The following MST1R variants were observed in gnomAD, a reference collection of about 807,000 sequenced individuals.
The protein encoded by MST1R is macrophage stimulating 1 receptor.
A neutral mutation model predicts 117.8 loss-of-function variants in MST1R; 99 were observed. That is an observed-to-expected ratio of 0.84 (90% CI 0.71 to 0.99). MST1R has a LOEUF of 0.99. MST1R is among the 50% of genes least tolerant of loss of function. The pLI is 0.00. For missense variants in MST1R, 1,683 were observed against 1,840.2 expected, an observed-to-expected ratio of 0.91 and a Z score of 1.56; for synonymous variants, 734 against 765.3, an observed-to-expected ratio of 0.96 and a Z score of 0.68.
intron 1 of MST1R, 71 bp downstream of exon 1, chr3:49,902,309 T>C (rs2082705728): frequency 2.6e-6 from 4 of 1,533,420 alleles, no homozygotes; most frequent in Admixed American, 1.9e-5. Context: ...CCCTCAGTGA[T>C]GGAAGGGAAG....
At position 49,903,753 on chromosome 3, in the gene MST1R, C is replaced by T. The variant is rs959964582; in HGVS notation, c.-144G>A. The T allele has an allele frequency of 9.3e-6, 11 of 1,184,850 alleles. No individual in the cohort carries two copies. Among genetic ancestry groups the T allele is most frequent in the Non-Finnish European group, 1.3e-5 (11 of 873,248 alleles). The allele number at this position is 1,184,850 out of a possible 1,614,324, so 73.4% of individuals were successfully genotyped here. ...AGCCCCAAGATAGCGGACCCCCGCC[C>T]CAGGTTCCTGTGAAACCCAAATCCC... is the stretch of plus-strand genomic sequence containing the variant. On this transcript the variant is annotated 5_prime_UTR_variant, in exon 1 of 20. Coordinates refer to ENST00000296474, the MANE Select transcript of MST1R (RefSeq NM_002447.4).
Position 49,887,400 on chromosome 3 carries a change from C to G in MST1R, c.4110G>C (p.Glu1370Asp), listed in dbSNP as rs878967877. ...GCGGCTGTTCTGGACGCACATTCAT[C>G]TCATGCGAGGTGCTGGGGCCCAAGT... ...YMNLGPSTSH[E>D]MNVRPEQPQF... Residue 1370 changes from glutamate to aspartate, a missense_variant, in exon 20 of 20, where the codon GAG becomes GAC. Physicochemically the swap from Glu to Asp is conservative, Grantham distance 45. Transcript: ENST00000296474. The G allele has an allele frequency of 6.2e-7, 1 of 1,614,250 alleles. No individual in the cohort carries two copies. Among genetic ancestry groups the G allele is most frequent in the South Asian group, 1.1e-5 (1 of 91,086 alleles).
chr3:49,892,339 A>T (rs543671166), intron 14 of MST1R, among the ~76,000 whole-genome samples: 1 of 151,538 alleles, frequency 6.6e-6, no homozygotes, highest in Non-Finnish European at 1.5e-5. Flanking sequence ...TTGAGAGGCC[A>T]AGGCGGGTGG....
At position 49,902,694 on chromosome 3, in the gene MST1R, G is replaced by C. The variant is rs553617101; in HGVS notation, c.916C>G (p.Arg306Gly). The change falls in exon 1 of 20, where the codon CGC (arginine) becomes GGC (glycine). Residue 306 changes from arginine to glycine, a missense_variant. Arg to Gly is a moderately radical substitution (Grantham distance 125). Transcript: ENST00000296474. ...CCTTCTGGGGCCCCCCGGCGCCTGC[G>C]TTTTGGAGCAAATCTGCAGTCGAGG... ...LVLDCRFAPK[R>G]RRRGAPEGGQ... The C allele has an allele frequency of 1.2e-6, 2 of 1,613,520 alleles. No individual in the cohort carries two copies. Among genetic ancestry groups the C allele is most frequent in the Non-Finnish European group, 1.7e-6 (2 of 1,180,030 alleles).
intron 14 of MST1R, 24 bp downstream of exon 14, chr3:49,895,143 C>T (rs564149842): frequency 1.9e-6 from 3 of 1,612,960 alleles, no homozygotes; most frequent in South Asian, 2.2e-5. Flanking sequence ...CCATCTCTGC[C>T]CCAGCCCCAC....
At position 49,897,337 on chromosome 3, in the gene MST1R, A is replaced by G; in HGVS notation, c.2126T>C (p.Leu709Pro). 1 of 1,613,932 alleles carries G rather than the reference A, an allele frequency of 6.2e-7. No individual in the cohort carries two copies. The highest frequency in any genetic ancestry group is 8.5e-7 in the Non-Finnish European group (1 of 1,179,976). ...CACAGCCCGGCTGGTGCCTACAGAC[A>G]GACTCTGGCCTTCAAGAGTGAGACA... ...GTCLTLEGQS[L>P]SVGTSRAVLV... The change falls in exon 7 of 20, where the codon CTG becomes CCG. Residue 709 changes from leucine to proline, a missense_variant. By Grantham distance (98) the Leu-to-Pro change is moderately conservative. Transcript: ENST00000296474.
rs1188987991 is a variant in MST1R, at chr3:49,903,514, G to C, written c.96C>G (p.Thr32=). ...AAGEDWQCPR[T]PYAASRDFDV... ...CAAAGTCGCGAGAGGCCGCGTAGGG[G>C]GTGCGCGGGCACTGCCAGTCCTCGC... The change falls in exon 1 of 20, where the codon ACC becomes ACG. Residue 32 remains threonine, a synonymous_variant. Transcript: ENST00000296474. 6.2e-7 allele frequency: 1 copy of C among 1,608,540 alleles called. No homozygotes were observed. Among genetic ancestry groups the C allele is most frequent in the South Asian group, 1.1e-5 (1 of 91,066 alleles).
intron 19 of MST1R, among the ~76,000 whole-genome samples, chr3:49,889,324 C>T (rs56057035): frequency 0.023 from 3,497 of 152,276 alleles, 157 homozygotes; most frequent in African/African-American, 0.08. Flanking sequence ...AAGGGCTACT[C>T]GCATCCTTCT....
chr3:49,896,567 A>G lies in MST1R; in HGVS notation c.2412T>C (p.His804=). The G allele has an allele frequency of 6.2e-7, 1 of 1,614,198 alleles. No homozygotes were observed. Among genetic ancestry groups the G allele is most frequent in the East Asian group, 2.2e-5 (1 of 44,880 alleles). Residue 804 remains histidine, a synonymous_variant, in exon 9 of 20, where the codon CAT becomes CAC. Transcript: ENST00000296474. ...TSAWHLVLSF[H]DGLRAVESRC... is the part of the protein sequence containing the mutation. ...TGCTTTCCACTGCCCTAAGCCCGTCATGGAATGACAGCACTAAGTGCCATG... is the reference window on the plus strand; with the variant it reads ...TGCTTTCCACTGCCCTAAGCCCGTCGTGGAATGACAGCACTAAGTGCCATG...
In MST1R at chr3:49,897,416, C is replaced by T; in HGVS notation, c.2047G>A (p.Glu683Lys). 1 of 1,613,184 alleles carries T rather than the reference C, an allele frequency of 6.2e-7. No individual in the cohort carries two copies. The highest frequency in any genetic ancestry group is 8.5e-7 in the Non-Finnish European group (1 of 1,179,598). The stretch of plus-strand genomic sequence containing the variant: ...GGTTGCACTGCTATCAGCACTGGCT[C>T]CTAAGAGGACATAGAGGTGGCTTAG... Reference protein sequence around the residue: ...TSVLRGFSFMEPVLIAVQPLF... With the variant: ...TSVLRGFSFMKPVLIAVQPLF... Residue 683 changes from glutamate (E) to lysine (K), a missense_variant and splice_region_variant, in exon 7 of 20, where the codon GAG becomes AAG. Coordinates refer to ENST00000296474, the MANE Select transcript of MST1R (RefSeq NM_002447.4).
Position 49,902,632 on chromosome 3 carries a change from G to A in MST1R, c.978C>T (p.Ser326=), listed in dbSNP as rs143735950. Residue 326 remains serine, a synonymous_variant, in exon 1 of 20, where the codon TCC becomes TCT. Coordinates refer to ENST00000296474, the MANE Select transcript of MST1R (RefSeq NM_002447.4). ...TGGCAAGTTGGGCACCCACTGGAGC[G>A]GAGTGGGCCACCCGCAGCACAGGGT... ...QPYPVLRVAH[S]APVGAQLATE... is the part of the protein sequence containing the mutation. 3.5e-5 allele frequency: 56 copies of A among 1,613,370 alleles called. No individual in the cohort carries two copies. The highest frequency in any genetic ancestry group is 1.6e-4 in the Middle Eastern group (1 of 6,084).
chr3:49,903,545 G>A lies in MST1R; in HGVS notation c.65C>T (p.Ala22Val), dbSNP rs140992621. The change falls in exon 1 of 20, where the codon GCG (alanine) becomes GTG (valine). Residue 22 changes from alanine (A) to valine (V), a missense_variant. By Grantham distance (64) the Ala-to-Val change is moderately conservative. Transcript: ENST00000296474. ...LLLLLLPAKP[A>V]AGEDWQCPRT... ...CGGGCACTGCCAGTCCTCGCCCGCCGCGGGCTTGGCAGGCAACAGCAGCAG... is the reference window on the plus strand; with the variant it reads ...CGGGCACTGCCAGTCCTCGCCCGCCACGGGCTTGGCAGGCAACAGCAGCAG... The A allele has an allele frequency of 3.8e-6, 6 of 1,598,124 alleles. No homozygotes were observed. The highest frequency in any genetic ancestry group is 4.2e-6 in the Non-Finnish European group (5 of 1,176,556).
rs769772542 is a variant in MST1R at position 49,898,722 on chromosome 3, TGGAG to T, written c.1549-38_1549-35del. The T allele has an allele frequency of 1.9e-6, 3 of 1,611,886 alleles. No homozygotes were observed. The East Asian group carries it at 6.7e-5, about 36-fold the overall frequency. ...GAAAGACAGGTGACTCAGGGGTGCC[TGGAG>T]GGAGAGATTGGGCCCTATAGACCCT... On this transcript the variant is annotated intron_variant, in intron 3 of 19. Coordinates refer to ENST00000296474, the MANE Select transcript of MST1R (RefSeq NM_002447.4).
chr3:49,890,573 A>T lies in MST1R; in HGVS notation c.3722T>A (p.Val1241Asp), dbSNP rs1324272617. The change falls in exon 18 of 20, where the codon GTT (valine) becomes GAT (aspartate). Residue 1241 changes from valine to aspartate, a missense_variant. Val to Asp is a radical substitution (Grantham distance 152). Transcript: ENST00000296474. ...RDILDREYYS[V>D]QQHRHARLPV... ...TAGGCGAGCGTGGCGATGCTGTTGA[A>T]CACTATAGTACTCCCTGTCCAGGAT... is the stretch of plus-strand genomic sequence containing the variant. 6.2e-7 allele frequency: 1 copy of T among 1,614,120 alleles called. No individual in the cohort carries two copies. The highest frequency in any genetic ancestry group is 1.7e-5 in the Admixed American group (1 of 60,008).
rs760463308 is a variant in MST1R, at chr3:49,899,061, G to A, written c.1419+14C>T. On this transcript the variant is annotated intron_variant, in intron 2 of 19. Transcript: ENST00000296474. ...AGGACCCAGGGCTAGGGGACTGTGG[G>A]GATGAGGACCCACCTGCAGGATACG... is the stretch of plus-strand genomic sequence containing the variant. 1 of 1,614,124 alleles carries A rather than the reference G, an allele frequency of 6.2e-7. No homozygotes were observed. Among genetic ancestry groups the A allele is most frequent in the East Asian group, 2.2e-5 (1 of 44,886 alleles).
rs369191642 is a variant in MST1R, at chr3:49,903,653, T to C, written c.-44A>G. The stretch of plus-strand genomic sequence containing the variant: ...TAGAGGATCCCTACCGGCCTGGGCC[T>C]GGACCTGGGCGTGGGCCTGGCTGGG... On this transcript the variant is annotated 5_prime_UTR_variant, in exon 1 of 20. Transcript: ENST00000296474. 2 of 1,521,968 alleles carry C rather than the reference T, an allele frequency of 1.3e-6. No homozygotes were observed. Among genetic ancestry groups the C allele is most frequent in the Non-Finnish European group, 1.7e-6 (2 of 1,143,174 alleles). 94.3% of individuals were successfully genotyped at this position (1,521,968 alleles called of 1,614,324 possible).
At chr3:49,892,558 G>A (rs2082345134) in intron 14 of MST1R, among the ~76,000 whole-genome samples, 1 of 151,806 alleles carries the variant, frequency 6.6e-6, no homozygotes, top group Admixed American at 6.6e-5. Flanking sequence ...GCCAAGCGCA[G>A]TGCGCCTGTA....
At chr3:49,895,111 T>C (rs1458426770) in intron 14 of MST1R, 56 bp downstream of exon 14, 1 of 1,599,266 alleles carries the variant, frequency 6.3e-7, no homozygotes, top group African/African-American at 1.3e-5. Flanking sequence ...ACGCCTGGCC[T>C]AGCCTATGTC....
intron 14 of MST1R, among the ~76,000 whole-genome samples, chr3:49,894,163 C>T (rs918980366): frequency 4.7e-5 from 7 of 150,356 alleles, no homozygotes; most frequent in African/African-American, 1.7e-4. Context: ...TGCAATGAGC[C>T]GAGATCGCGC....
Sources: allele counts gnomAD v4.1 joint callset (sites outside exome capture counted in the v4.1 genomes callset), GRCh38; gene constraint gnomAD v4.1.1; transcripts MANE v1.5; gene names NCBI Gene and HGNC (gene_info 2026-07-23, HGNC 2026-07-21).